Variants in CELSR1 observed in about 807,000 individuals in gnomAD.
CELSR1 encodes cadherin EGF LAG seven-pass G-type receptor 1, also known as adhesion G protein-coupled receptor C1.
In CELSR1, 110 loss-of-function variants were observed where a neutral mutation model predicts 249.1. The ratio of observed to expected loss-of-function variants is 0.44; its 90% confidence interval spans 0.38 to 0.52. CELSR1 has a LOEUF of 0.52. Ranked by LOEUF, CELSR1 falls within the 20% of genes least tolerant of loss-of-function variation. The probability of loss-of-function intolerance (pLI) is 0.00; values close to 1 mark genes in which losing one functional copy is unlikely to be tolerated. For missense variants in CELSR1, 4,109 were observed against 4,296.4 expected, an observed-to-expected ratio of 0.96 and a Z score of 1.22; for synonymous variants, 2,113 against 1,900.0, an observed-to-expected ratio of 1.11 and a Z score of -2.92.
Position 46,396,506 on chromosome 22 carries a change from A to T in CELSR1, c.5843+99T>A. 7.8e-7 allele frequency: 1 copy of T among 1,278,100 alleles called. No individual in the cohort carries two copies. Among genetic ancestry groups the T allele is most frequent in the Non-Finnish European group, 1.0e-6 (1 of 982,216 alleles). The allele number at this position is 1,278,100 out of a possible 1,614,324, so 79.2% of individuals were successfully genotyped here. ...ATGTCCCTGTTACCCAGAATCACAC[A>T]TATCTTTGGGTCAAAATAAGAAAGA... On this transcript the variant is annotated intron_variant, in intron 13 of 34. Transcript: ENST00000674500. This position sits in a 1 kb window ranked among gnomAD's most constrained non-coding sequence, Gnocchi z 6.4.
chr22:46,453,765 C>T (rs971981954), intron 2 of CELSR1, among the ~76,000 whole-genome samples: 5 of 152,196 alleles, frequency 3.3e-5, no homozygotes, highest in Non-Finnish European at 7.3e-5. Context: ...GGGTCCAGAT[C>T]GTGGCCGGTT....
Position 46,468,682 on chromosome 22 carries a change from T to C in CELSR1, c.3545-4337A>G, listed in dbSNP as rs1186886240. On this transcript the variant is annotated intron_variant, in intron 1 of 34. Coordinates refer to ENST00000674500, the MANE Select transcript of CELSR1 (RefSeq NM_001378328.1). The surrounding 1 kb of genome is among the most constrained non-coding windows in gnomAD (Gnocchi z 4.5). ...AAAAAGTTCTGGAGATAGATGGTGG[T>C]GATGGCTGCACAGCAAAGCTAATGT... Among the ~76,000 whole-genome samples the C allele has an allele frequency of 1.3e-5, 2 of 152,160 alleles. No homozygotes were observed. The highest frequency in any genetic ancestry group is 2.9e-5 in the Non-Finnish European group (2 of 68,032).
intron 1 of CELSR1, among the ~76,000 whole-genome samples, chr22:46,514,214 A>T (rs2080603456): frequency 6.6e-6 from 1 of 151,956 alleles, no homozygotes; most frequent in South Asian, 2.1e-4. Context: ...GGTCTTTCCC[A>T]CCCAGGTAGG....
intron 23 of CELSR1, among the ~76,000 whole-genome samples, chr22:46,377,916 C>A (rs2078936252): frequency 6.6e-6 from 1 of 152,232 alleles, no homozygotes; most frequent in Non-Finnish European, 1.5e-5. Context: ...ACAGTGCAAC[C>A]CCGGGGAGGG....
chr22:46,369,901 A>G, intron 25 of CELSR1, 97 bp from the exon 26 acceptor site: 1 of 987,382 alleles, frequency 1.0e-6, no homozygotes, highest in Non-Finnish European at 1.6e-6. Context: ...TGGGGGACTC[A>G]GCATCTCCCT....
intron 1 of CELSR1, among the ~76,000 whole-genome samples, chr22:46,524,128 G>A (rs2080713499): frequency 6.6e-6 from 1 of 152,250 alleles, no homozygotes; most frequent in Non-Finnish European, 1.5e-5. Context: ...AGAGCACACA[G>A]ACCCCAGAGT....
chr22:46,405,143 G>A (rs2079251296), intron 9 of CELSR1, among the ~76,000 whole-genome samples: 1 of 150,360 alleles, frequency 6.7e-6, no homozygotes, highest in Admixed American at 6.6e-5. Context: ...GTTTTCTTTT[G>A]TTCTATAGAA....
chr22:46,399,871 G>A lies in CELSR1; in HGVS notation c.5258C>T (p.Ser1753Phe), dbSNP rs2079192714. 2.5e-6 allele frequency: 4 copies of A among 1,614,148 alleles called. No individual in the cohort carries two copies. Among genetic ancestry groups the A allele is most frequent in the Non-Finnish European group, 1.7e-6 (2 of 1,179,992 alleles). ...GGACTCCACATCGGAGGGGCCGTGG[G>A]ACACCTCAAACTGGAGGTAGTTGTT... The part of the protein sequence containing the change: ...ILNNYLQFEV[S>F]HGPSDVESVM... Residue 1753 changes from serine to phenylalanine, a missense_variant, in exon 10 of 35, where the codon TCC (serine) becomes TTC (phenylalanine). Ser to Phe is a radical substitution (Grantham distance 155, BLOSUM62 -2). This residue lies in a region of CELSR1 where 1,805 missense variants were observed against 1,831.6 expected (regional missense o/e 0.99). Coordinates refer to ENST00000674500, the MANE Select transcript of CELSR1 (RefSeq NM_001378328.1). This position sits in a 1 kb window ranked among gnomAD's most constrained non-coding sequence, Gnocchi z 5.0.
At chr22:46,510,033 C>T (rs545318572) in intron 1 of CELSR1, among the ~76,000 whole-genome samples, 41 of 152,300 alleles carry the variant, frequency 2.7e-4, no homozygotes, top group Non-Finnish European at 4.9e-4. Context: ...ATGTCCCTTT[C>T]CAGGGCAGGA....
rs574618981 is a variant in CELSR1 at position 46,398,019 on chromosome 22, G to A, written c.5527-171C>T. 6.6e-5 allele frequency among the ~76,000 whole-genome samples: 10 copies of A among 152,324 alleles called. No homozygotes were observed. Among genetic ancestry groups the A allele is most frequent in the East Asian group, 3.9e-4 (2 of 5,172 alleles). On this transcript the variant is annotated intron_variant, in intron 11 of 34. Coordinates refer to ENST00000674500, the MANE Select transcript of CELSR1 (RefSeq NM_001378328.1). This position sits in a 1 kb window ranked among gnomAD's most constrained non-coding sequence, Gnocchi z 7.2. ...CCTCTTGCCCCACGGCCTGCTGGCCGGAGTGCAGTGGAGGGCTGGGTGAGG... is the reference window on the plus strand; with the variant it reads ...CCTCTTGCCCCACGGCCTGCTGGCCAGAGTGCAGTGGAGGGCTGGGTGAGG...
rs1289093215 is a variant in CELSR1, at chr22:46,365,322, G to A, written c.8463C>T (p.Ala2821=). 6.2e-7 allele frequency: 1 copy of A among 1,612,852 alleles called. No homozygotes were observed. Among genetic ancestry groups the A allele is most frequent in the Non-Finnish European group, 8.5e-7 (1 of 1,179,982 alleles). The part of the protein sequence containing the change: ...LSLDEQSSSY[A]SSHSSDSEDD... ...CCTCGCTGTCTGACGAGTGTGAGGAGGCGTAAGAGCTGCTCTGCTCATCCA... is the reference window on the plus strand; with the variant it reads ...CCTCGCTGTCTGACGAGTGTGAGGAAGCGTAAGAGCTGCTCTGCTCATCCA... The change falls in exon 32 of 35, where the codon GCC becomes GCT. Residue 2821 remains alanine (A), a synonymous_variant. Coordinates refer to ENST00000674500, the MANE Select transcript of CELSR1 (RefSeq NM_001378328.1).
In CELSR1 at chr22:46,518,350, G is replaced by A. The variant is rs557860716; in HGVS notation, c.3544+15277C>T. 6.6e-6 allele frequency among the ~76,000 whole-genome samples: 1 copy of A among 152,238 alleles called. No homozygotes were observed. The highest frequency in any genetic ancestry group is 1.5e-5 in the Non-Finnish European group (1 of 68,048). On this transcript the variant is annotated intron_variant, in intron 1 of 34. Transcript: ENST00000674500. This position sits in a 1 kb window ranked among gnomAD's most constrained non-coding sequence, Gnocchi z 5.2. ...GGGCGCTCAGCCCGTGCCACACTCA[G>A]TCTCGTTAGAGGAGAACGAAGGGAG...
rs147425527 is a variant in CELSR1, at chr22:46,449,952, G to GCTCACACA, written c.4184-10542_4184-10541insTGTGTGAG. On this transcript the variant is annotated intron_variant, in intron 2 of 34. Transcript: ENST00000674500. ...CGTGCTCACACACACTCACATGCAC[G>GCTCACACA]CACTCACATGCTCACACACACTCAC... is the stretch of plus-strand genomic sequence containing the variant. Among the ~76,000 whole-genome samples, 123 of 150,850 alleles carry GCTCACACA rather than the reference G, an allele frequency of 8.2e-4. 1 individual carries two copies. Among genetic ancestry groups the GCTCACACA allele is most frequent in the African/African-American group, 3.0e-3 (122 of 40,880 alleles).
At chr22:46,521,583 G>A (rs568924244) in intron 1 of CELSR1, among the ~76,000 whole-genome samples, 249 of 152,038 alleles carry the variant, frequency 1.6e-3, no homozygotes, top group Non-Finnish European at 2.8e-3. Flanking sequence ...TGGGAGGCTT[G>A]AGGCAGGCGG....
chr22:46,416,751 T>C (rs2079406984), intron 5 of CELSR1, among the ~76,000 whole-genome samples: 1 of 152,170 alleles, frequency 6.6e-6, no homozygotes, highest in South Asian at 2.1e-4. Flanking sequence ...CCTCTTCTTA[T>C]TTTCCTTCGA....
At chr22:46,367,141 AGCACCTGCTGCTGCCTCCCTAG>A (rs759171275) in intron 28 of CELSR1, 23 bp from the exon 29 acceptor site, 2 of 1,606,182 alleles carry the variant, frequency 1.2e-6, no homozygotes, top group Non-Finnish European at 1.7e-6. Context: ...AGGTGGGGTC[AGCACCTGCTGCTGCCTCCCTAG>A]GCACCTGCCC....
At position 46,382,264 on chromosome 22, in the gene CELSR1, T is replaced by C. The variant is rs928653381; in HGVS notation, c.6884-214A>G. On this transcript the variant is annotated intron_variant, in intron 20 of 34. Coordinates refer to ENST00000674500, the MANE Select transcript of CELSR1 (RefSeq NM_001378328.1). Reference sequence around the variant, plus strand: ...AAGGAACTGAAGGCGGGGACCCAGATACTTCTATTTTTATTTATTTATTTA... The same window carrying C: ...AAGGAACTGAAGGCGGGGACCCAGACACTTCTATTTTTATTTATTTATTTA... 4.6e-5 allele frequency among the ~76,000 whole-genome samples: 7 copies of C among 152,222 alleles called. No individual in the cohort carries two copies. In the South Asian group the frequency reaches 1.5e-3, roughly 32 times the overall value.
rs924286368 is a variant in CELSR1 at position 46,517,017 on chromosome 22, T to C, written c.3544+16610A>G. On this transcript the variant is annotated intron_variant, in intron 1 of 34. Coordinates refer to ENST00000674500, the MANE Select transcript of CELSR1 (RefSeq NM_001378328.1). This position sits in a 1 kb window ranked among gnomAD's most constrained non-coding sequence, Gnocchi z 5.4. ...AGGAACCTTTATCACCCATAAGGGA[T>C]GAGCTGGGCTCATCCACTTCCTGAG... 2.6e-5 allele frequency among the ~76,000 whole-genome samples: 4 copies of C among 152,202 alleles called. No individual in the cohort carries two copies. The highest frequency in any genetic ancestry group is 5.9e-5 in the Non-Finnish European group (4 of 68,028).
In CELSR1 at chr22:46,394,157, G is replaced by A; in HGVS notation, c.5949C>T (p.Gly1983=). 1 of 1,613,976 alleles carries A rather than the reference G, an allele frequency of 6.2e-7. No homozygotes were observed. The highest frequency in any genetic ancestry group is 1.3e-5 in the African/African-American group (1 of 75,056). The change falls in exon 14 of 35, where the codon GGC becomes GGT. Residue 1983 remains glycine, a synonymous_variant. Coordinates refer to ENST00000674500, the MANE Select transcript of CELSR1 (RefSeq NM_001378328.1). ...GGGGCCTCACCTTGCATTGGCACTG[G>A]CCGTTGGTCTTATTACAGTCGGGAT... is the stretch of plus-strand genomic sequence containing the variant. ...GFDPDCNKTN[G]QCQCKENYYK... is the part of the protein sequence containing the mutation.
Sources: gnomAD v4.1 joint callset for allele counts (sites outside exome capture counted in the v4.1 genomes callset) on GRCh38, gnomAD v4.1.1 for gene constraint, gnomAD v4.1.1 regional missense constraint, Gnocchi (gnomAD v3.1) non-coding constraint, MANE v1.5 for transcripts, NCBI Gene and HGNC (gene_info 2026-07-23, HGNC 2026-07-21) for gene names.